Variants in TMEM38B observed in about 807,000 individuals in gnomAD.
TMEM38B encodes the protein trimeric intracellular cation channel type B.
TMEM38B carries 24 observed loss-of-function variants against 28.7 expected under a neutral mutation model. The ratio of observed to expected loss-of-function variants is 0.84; its 90% confidence interval spans 0.61 to 1.18. TMEM38B has a LOEUF of 1.18. TMEM38B is among the 50% of genes most tolerant of loss of function. TMEM38B has a pLI of 0.00. For missense variants in TMEM38B, 380 were observed against 350.9 expected (o/e 1.08, Z -0.66); for synonymous variants, 131 against 127.7 (o/e 1.03, Z -0.17).
chr9:105,730,925 T>A (rs192333529), intron 4 of TMEM38B, among the ~76,000 whole-genome samples: 27 of 152,310 alleles, frequency 1.8e-4, no homozygotes, highest in Non-Finnish European at 2.4e-4. Context: ...CCTTTATCAT[T>A]TTTTATTGCG....
chr9:105,748,600 A>C (rs141052284), intron 5 of TMEM38B, among the ~76,000 whole-genome samples: 1 of 152,306 alleles, frequency 6.6e-6, no homozygotes, highest in African/African-American at 2.4e-5. Flanking sequence ...CTTTTCTATT[A>C]CTATTGCCTG....
At chr9:105,741,444 T>C (rs1414315153) in intron 4 of TMEM38B, among the ~76,000 whole-genome samples, 1 of 152,206 alleles carries the variant, frequency 6.6e-6, no homozygotes, top group Non-Finnish European at 1.5e-5. Flanking sequence ...CCTATAAATA[T>C]ATAGTCTTTG....
chr9:105,734,063 A>G (rs1016835121), intron 4 of TMEM38B, among the ~76,000 whole-genome samples: 2 of 151,218 alleles, frequency 1.3e-5, no homozygotes, highest in African/African-American at 4.9e-5. Flanking sequence ...TTCTTTTTTT[A>G]ATGTAGTTAT....
At chr9:105,726,473 A>G (rs1836517509) in intron 4 of TMEM38B, among the ~76,000 whole-genome samples, 2 of 152,168 alleles carry the variant, frequency 1.3e-5, no homozygotes, top group Admixed American at 1.3e-4. Flanking sequence ...GGTCAGGATC[A>G]TCAATATCAT....
At chr9:105,747,123 A>T (rs190390500) in intron 4 of TMEM38B, among the ~76,000 whole-genome samples, 6 of 152,056 alleles carry the variant, frequency 3.9e-5, no homozygotes, top group African/African-American at 1.5e-4. Flanking sequence ...CTCTTTTTCT[A>T]TTGATTGCTA....
chr9:105,747,443 T>C (rs1011937242), intron 4 of TMEM38B, among the ~76,000 whole-genome samples: 42 of 152,188 alleles, frequency 2.8e-4, no homozygotes, highest in Admixed American at 4.6e-4. Context: ...CATTTTTTAT[T>C]GCGTCTATTT....
At chr9:105,704,389 C>G (rs970564463) in intron 1 of TMEM38B, among the ~76,000 whole-genome samples, 1 of 151,428 alleles carries the variant, frequency 6.6e-6, no homozygotes, top group African/African-American at 2.4e-5. Context: ...AGAGCGAGAC[C>G]CTGTCTCAAA....
chr9:105,701,986 A>C (rs530989754), intron 1 of TMEM38B, among the ~76,000 whole-genome samples: 5 of 152,192 alleles, frequency 3.3e-5, no homozygotes, highest in African/African-American at 1.2e-4. Flanking sequence ...AGGCTGAGGC[A>C]GGAGGATCAC....
At chr9:105,715,036 C>G (rs757214796) in intron 2 of TMEM38B, among the ~76,000 whole-genome samples, 3 of 152,062 alleles carry the variant, frequency 2.0e-5, no homozygotes, top group Non-Finnish European at 4.4e-5. Flanking sequence ...TTCTTCCACC[C>G]TAAGAATTTG....
At chr9:105,745,279 C>G (rs1452663416) in intron 4 of TMEM38B, among the ~76,000 whole-genome samples, 1 of 152,220 alleles carries the variant, frequency 6.6e-6, no homozygotes, top group Non-Finnish European at 1.5e-5. Flanking sequence ...GATCACCATT[C>G]TAACTGGTGT....
chr9:105,774,774 A>T lies in TMEM38B; in HGVS notation c.*694A>T, dbSNP rs567894036. The T allele has an allele frequency of 6.6e-6, 1 of 152,078 alleles. No homozygotes were observed. Among genetic ancestry groups the T allele is most frequent in the East Asian group, 1.9e-4 (1 of 5,178 alleles). The allele number at this position is 152,078 out of a possible 1,614,324, so 9.4% of individuals were successfully genotyped here. A position where few individuals can be genotyped will look rare whatever the true frequency, so the allele number is the denominator to read the frequency against. On this transcript the variant is annotated 3_prime_UTR_variant, in exon 6 of 6. Transcript: ENST00000374692. ...GAAGTCTTTTTCATGCCCTTGTTTT[A>T]AAAAAACTACTTTTTTTGGCCTCAA...
At chr9:105,738,596 T>C (rs1465352326) in intron 4 of TMEM38B, among the ~76,000 whole-genome samples, 1 of 152,054 alleles carries the variant, frequency 6.6e-6, no homozygotes, top group Non-Finnish European at 1.5e-5. Flanking sequence ...GCTTTTGATG[T>C]CAATTTTTGA....
At chr9:105,728,443 T>A (rs1588424468) in intron 4 of TMEM38B, among the ~76,000 whole-genome samples, 1 of 152,364 alleles carries the variant, frequency 6.6e-6, no homozygotes, top group East Asian at 1.9e-4. Flanking sequence ...TATGGCTGCA[T>A]AATATTCCAT....
intron 5 of TMEM38B, among the ~76,000 whole-genome samples, chr9:105,757,339 T>C (rs940733699): frequency 6.6e-6 from 1 of 152,226 alleles, no homozygotes; most frequent in African/African-American, 2.4e-5. Context: ...TGGTTCCATA[T>C]TTTTGCAATT....
chr9:105,721,736 A>G lies in TMEM38B; in HGVS notation c.454+15A>G, dbSNP rs754149699. 1.1e-5 allele frequency: 18 copies of G among 1,583,764 alleles called. No individual in the cohort carries two copies. The East Asian group carries it at 2.5e-4, about 22-fold the overall frequency. The stretch of plus-strand genomic sequence containing the variant: ...ATGGGCCCGAGGTAATATTGACAAT[A>G]TGTGTTCATAAATATTCTGTTGTTG... On this transcript the variant is annotated intron_variant, in intron 3 of 5. Transcript: ENST00000374692.
At chr9:105,710,262 TGTACTGGATATTCCAGCTACAGTTTG>T in intron 2 of TMEM38B, 1 of 604,688 alleles carries the variant, frequency 1.7e-6, no homozygotes, top group South Asian at 1.8e-5. Context: ...TAAGCACAAC[TGTACTGGATATTCCAGCTACAGTTTG>T]GTCTGTCATT....
At chr9:105,770,313 A>G (rs1443016132) in intron 5 of TMEM38B, among the ~76,000 whole-genome samples, 5 of 152,192 alleles carry the variant, frequency 3.3e-5, no homozygotes, top group Non-Finnish European at 7.4e-5. Flanking sequence ...AGTATTCATC[A>G]CTGCATCCTT....
intron 5 of TMEM38B, among the ~76,000 whole-genome samples, chr9:105,757,808 T>C (rs1007835496): frequency 3.3e-5 from 5 of 152,104 alleles, no homozygotes; most frequent in African/African-American, 1.2e-4. Flanking sequence ...ATGATTGTAA[T>C]CAATTGAGGT....
chr9:105,758,113 G>C, intron 5 of TMEM38B: 1 of 474,986 alleles, frequency 2.1e-6, no homozygotes, highest in South Asian at 2.7e-5. Flanking sequence ...AGGCCGCTGG[G>C]CCTGAGTGTT....
Sources: allele counts gnomAD v4.1 joint callset (sites outside exome capture counted in the v4.1 genomes callset), GRCh38; gene constraint gnomAD v4.1.1; transcripts MANE v1.5; gene names NCBI Gene and HGNC (gene_info 2026-07-23, HGNC 2026-07-21).